ALDH3B1: variants seen among roughly 807,000 people sequenced by gnomAD.
ALDH3B1 encodes the protein aldehyde dehydrogenase family 3 member B1.
ALDH3B1 carries 37 observed loss-of-function variants against 46.2 expected under a neutral mutation model. The observed-to-expected ratio is 0.80, with a 90% CI of 0.62 to 1.05. The LOEUF is 1.05. Ranked by LOEUF, ALDH3B1 falls within the 50% of genes least tolerant of loss-of-function variation. The pLI, the probability that ALDH3B1 is intolerant of heterozygous loss-of-function variation, is 0.00. For missense variants in ALDH3B1, 603 were observed against 665.5 expected, an observed-to-expected ratio of 0.91 and a Z score of 1.03; for synonymous variants, 283 against 281.0, an observed-to-expected ratio of 1.01 and a Z score of -0.07.
chr11:68,021,369 G>A (rs927672993), intron 6 of ALDH3B1, 116 bp from the exon 7 acceptor site: 9 of 1,461,850 alleles, frequency 6.2e-6, no homozygotes, highest in African/African-American at 5.7e-5. Flanking sequence ...AAGGCCAGGC[G>A]AGGGCTGCTG....
chr11:68,026,113 G>A lies in ALDH3B1; in HGVS notation c.1216+5G>A, dbSNP rs764704461. ...GCCTGCCTTTTGGAGGAGTGGGTAG[G>A]TGCCTGCTACCCTGCCCTTCTGTTA... On this transcript the variant is annotated splice_donor_5th_base_variant and intron_variant, in intron 9 of 9. Transcript: ENST00000342456. 15 of 1,596,042 alleles carry A rather than the reference G, an allele frequency of 9.4e-6. No individual in the cohort carries two copies. Among genetic ancestry groups the A allele is most frequent in the Non-Finnish European group, 6.0e-6 (7 of 1,170,944 alleles).
At position 68,021,607 on chromosome 11, in the gene ALDH3B1, G is replaced by C; in HGVS notation, c.685G>C (p.Ala229Pro). The stretch of plus-strand genomic sequence containing the variant: ...CGACAACTGCGACCCCCAGACCGTG[G>C]CCAACCGCGTGGCCTGGTTCCGCTA... ...VDDNCDPQTV[A>P]NRVAWFRYFN... Residue 229 changes from alanine to proline, a missense_variant, in exon 7 of 10, where the codon GCC (alanine) becomes CCC (proline). Physicochemically the swap from Ala to Pro is conservative, Grantham distance 27. Coordinates refer to ENST00000342456, the MANE Select transcript of ALDH3B1 (RefSeq NM_000694.4). The C allele has an allele frequency of 6.2e-7, 1 of 1,614,072 alleles. No individual in the cohort carries two copies. Among genetic ancestry groups the C allele is most frequent in the Non-Finnish European group, 8.5e-7 (1 of 1,179,982 alleles).
intron 4 of ALDH3B1, 35 bp from the exon 5 acceptor site, chr11:68,019,135 G>T: frequency 6.3e-7 from 1 of 1,593,422 alleles, no homozygotes; most frequent in Non-Finnish European, 8.5e-7. Flanking sequence ...AGCTGGCTAC[G>T]CCTCCTCCAG....
chr11:68,018,457 TGGA>T, intron 2 of ALDH3B1, 67 bp from the exon 3 acceptor site: 1 of 1,185,326 alleles, frequency 8.4e-7, no homozygotes, highest in East Asian at 2.6e-5. Context: ...AGGCCCTGCC[TGGA>T]GGAGGCTGTG....
rs1363545248 is a variant in ALDH3B1 at position 68,018,849 on chromosome 11, C to T, written c.350C>T (p.Pro117Leu). ...CTCATCATTGCGCCCTGGAACTATC[C>T]GCTGAACCTGACGCTGGTGCCCCTC... The part of the protein sequence containing the change: ...LVLIIAPWNY[P>L]LNLTLVPLVG... The change falls in exon 4 of 10, where the codon CCG becomes CTG. Residue 117 changes from proline (P) to leucine (L), a missense_variant. Pro to Leu is a moderately conservative substitution (Grantham distance 98, BLOSUM62 -3). Transcript: ENST00000342456. 3.8e-6 allele frequency: 6 copies of T among 1,564,324 alleles called. No individual in the cohort carries two copies. Among genetic ancestry groups the T allele is most frequent in the East Asian group, 4.8e-5 (2 of 41,680 alleles).
chr11:68,011,963 G>T (rs1386803674), intron 1 of ALDH3B1, among the ~76,000 whole-genome samples: 1 of 152,244 alleles, frequency 6.6e-6, no homozygotes, highest in East Asian at 1.9e-4. Flanking sequence ...CAAGCAACCT[G>T]CCCAAGGTCT....
chr11:68,014,245 G>A (rs1857293270), intron 1 of ALDH3B1, among the ~76,000 whole-genome samples: 1 of 152,168 alleles, frequency 6.6e-6, no homozygotes, highest in Non-Finnish European at 1.5e-5. Flanking sequence ...TGGGTAGAGT[G>A]TAACCAGACA....
At position 68,018,645 on chromosome 11, in the gene ALDH3B1, G is replaced by A. The variant is rs755926658; in HGVS notation, c.273+8G>A. 1.7e-5 allele frequency: 26 copies of A among 1,565,176 alleles called. No individual in the cohort carries two copies. The highest frequency in any genetic ancestry group is 9.6e-5 in the East Asian group (4 of 41,784). ...CGTGTGCCCAAGAACCTGGTGAGCC[G>A]GCCGGGCTGAGGCGGGCAGGGGGCT... On this transcript the variant is annotated splice_region_variant and intron_variant, in intron 3 of 9. Coordinates refer to ENST00000342456, the MANE Select transcript of ALDH3B1 (RefSeq NM_000694.4).
intron 5 of ALDH3B1, 58 bp downstream of exon 5, chr11:68,019,313 G>A (rs1047102002): frequency 1.3e-6 from 2 of 1,507,516 alleles, no homozygotes; most frequent in Non-Finnish European, 1.8e-6. Context: ...GGGCTGGGCA[G>A]CCCCTGGCAT....
chr11:68,010,546 C>T (rs1268751031), intron 1 of ALDH3B1, among the ~76,000 whole-genome samples, 154 bp downstream of exon 1: 1 of 152,234 alleles, frequency 6.6e-6, no homozygotes. Flanking sequence ...ATCTGCCTGC[C>T]TGCTGGGGGA....
chr11:68,026,822 A>G (rs1049093317), intron 9 of ALDH3B1, among the ~76,000 whole-genome samples: 2 of 152,180 alleles, frequency 1.3e-5, no homozygotes, highest in Non-Finnish European at 2.9e-5. Context: ...AGGTGGGTCC[A>G]TGCCCTTCCT....
intron 2 of ALDH3B1, 156 bp downstream of exon 2, chr11:68,015,615 G>A (rs1041724176): frequency 1.0e-6 from 1 of 953,536 alleles, no homozygotes; most frequent in Non-Finnish European, 1.7e-6. Context: ...CATTCATCCA[G>A]TCACTTATTT....
chr11:68,016,182 T>C (rs1857347848), intron 2 of ALDH3B1: 2 of 150,458 alleles, frequency 1.3e-5, no homozygotes, highest in Admixed American at 1.3e-4. Flanking sequence ...GTTGTATATG[T>C]GGGGGTCAGG....
At chr11:68,026,336 A>C (rs1174318261) in intron 9 of ALDH3B1, among the ~76,000 whole-genome samples, 2 of 152,170 alleles carry the variant, frequency 1.3e-5, no homozygotes, top group Non-Finnish European at 2.9e-5. Flanking sequence ...GGAACCTTCT[A>C]GACCATCTCT....
intron 5 of ALDH3B1, 142 bp from the exon 6 acceptor site, chr11:68,019,573 G>A: frequency 1.2e-6 from 1 of 866,442 alleles, no homozygotes; most frequent in Non-Finnish European, 1.8e-6. Flanking sequence ...TCCCCACTTT[G>A]CCTCCACCCA....
intron 4 of ALDH3B1, 40 bp downstream of exon 4, chr11:68,018,933 C>T: frequency 6.5e-7 from 1 of 1,535,038 alleles, no homozygotes; most frequent in Non-Finnish European, 8.8e-7. Context: ...CCCTTCTCCG[C>T]TCGAGGCCTC....
At chr11:68,018,919 G>C in intron 4 of ALDH3B1, 26 bp downstream of exon 4, 1 of 1,547,166 alleles carries the variant, frequency 6.5e-7, no homozygotes, top group Middle Eastern at 1.7e-4. Context: ...GCCCCTTCCG[G>C]TCACCCTTCT....
Position 68,015,317 on chromosome 11 carries a change from C to A in ALDH3B1, c.20C>A (p.Thr7Lys). The A allele has an allele frequency of 6.6e-7, 1 of 1,507,682 alleles. No individual in the cohort carries two copies. The highest frequency in any genetic ancestry group is 8.9e-7 in the Non-Finnish European group (1 of 1,122,156). The allele number at this position is 1,507,682 out of a possible 1,614,324, so 93.4% of individuals were successfully genotyped here. Residue 7 changes from threonine (T) to lysine (K), a missense_variant, in exon 2 of 10, where the codon ACG (threonine) becomes AAG (lysine). By Grantham distance (78) the Thr-to-Lys change is moderately conservative. Transcript: ENST00000342456. ...GGCAGGATGGACCCCCTTGGGGACA[C>A]GCTGCGGCGACTGCGGGAGGCCTTC... Reference protein sequence around the residue: MDPLGDTLRRLREAFHA... With the variant: MDPLGDKLRRLREAFHA...
chr11:68,019,135 GCCT>G, intron 4 of ALDH3B1, 32 bp from the exon 5 acceptor site: 1 of 1,593,422 alleles, frequency 6.3e-7, no homozygotes, highest in Non-Finnish European at 8.5e-7. Flanking sequence ...AGCTGGCTAC[GCCT>G]CCTCCAGCTC....
Sources: allele counts gnomAD v4.1 joint callset (sites outside exome capture counted in the v4.1 genomes callset), GRCh38; gene constraint gnomAD v4.1.1; transcripts MANE v1.5; gene names NCBI Gene and HGNC (gene_info 2026-07-23, HGNC 2026-07-21).